SLC4A4: variants seen among roughly 807,000 people sequenced by gnomAD.
SLC4A4 encodes solute carrier family 4 member 4, also known as electrogenic sodium bicarbonate cotransporter 1.
In SLC4A4, 27 loss-of-function variants were observed where a neutral mutation model predicts 111.5. The ratio of observed to expected loss-of-function variants is 0.24; its 90% CI spans 0.18 to 0.33. The LOEUF (loss-of-function observed/expected upper bound fraction) is 0.33. SLC4A4 is among the 10% of genes least tolerant of loss of function. The probability of loss-of-function intolerance (pLI) is 1.00; values close to 1 mark genes in which losing one functional copy is unlikely to be tolerated. For missense variants in SLC4A4, 909 were observed against 1,315.5 expected (o/e 0.69, Z 4.78); for synonymous variants, 443 against 463.4 (o/e 0.96, Z 0.57).
chr4:71,117,026 G>C, intron 2 of SLC4A4, among the ~76,000 whole-genome samples: 1 of 151,936 alleles, frequency 6.6e-6, no homozygotes, highest in East Asian at 1.9e-4. Context: ...GTCCAGGCTT[G>C]AGTACAGTGG....
At chr4:71,270,265 T>C (rs536062876) in intron 3 of SLC4A4, among the ~76,000 whole-genome samples, 1 of 152,276 alleles carries the variant, frequency 6.6e-6, no homozygotes, top group South Asian at 2.1e-4. Context: ...TTTTTTTGTA[T>C]TTTTAGTAGG....
chr4:71,147,395 G>A (rs1744204441), intron 2 of SLC4A4, among the ~76,000 whole-genome samples: 1 of 151,972 alleles, frequency 6.6e-6, no homozygotes, highest in African/African-American at 2.4e-5. Flanking sequence ...CTTGGAGGTG[G>A]TGGTTCATGA....
intron 7 of SLC4A4, among the ~76,000 whole-genome samples, chr4:71,439,212 A>G (rs1724442698): frequency 1.3e-5 from 2 of 151,598 alleles, no homozygotes; most frequent in Non-Finnish European, 2.9e-5. Context: ...GTGGATCCCG[A>G]GGTCAGGAGT....
chr4:71,269,472 C>T (rs530668227), intron 3 of SLC4A4, among the ~76,000 whole-genome samples: 16 of 152,306 alleles, frequency 1.1e-4, no homozygotes, highest in African/African-American at 3.4e-4. Context: ...GCTCTTATTA[C>T]AGCAGTCACT....
chr4:71,291,489 G>T (rs767397671), intron 3 of SLC4A4, among the ~76,000 whole-genome samples: 1 of 151,956 alleles, frequency 6.6e-6, no homozygotes, highest in Non-Finnish European at 1.5e-5. Context: ...ACCCAGGCTG[G>T]AGTGCAGTGG....
intron 16 of SLC4A4, among the ~76,000 whole-genome samples, chr4:71,505,888 A>C (rs1194125741): frequency 6.6e-6 from 1 of 152,036 alleles, no homozygotes; most frequent in East Asian, 1.9e-4. Flanking sequence ...GGAAGAGGAC[A>C]AGTTTCAATT....
At chr4:71,291,889 C>T (rs1724380827) in intron 3 of SLC4A4, among the ~76,000 whole-genome samples, 1 of 151,872 alleles carries the variant, frequency 6.6e-6, no homozygotes, top group South Asian at 2.1e-4. Flanking sequence ...TTTTCCTCTC[C>T]TAGTTTTTAT....
intron 2 of SLC4A4, among the ~76,000 whole-genome samples, chr4:71,147,156 T>A (rs751879053): frequency 5.9e-5 from 9 of 152,218 alleles, no homozygotes; most frequent in Non-Finnish European, 1.3e-4. Flanking sequence ...CATTACATAA[T>A]GGTAAACAAA....
At chr4:71,565,668 A>G (rs1016922474) in intron 24 of SLC4A4, among the ~76,000 whole-genome samples, 25 of 151,898 alleles carry the variant, frequency 1.6e-4, no homozygotes, top group Non-Finnish European at 3.7e-4. Context: ...ATTTGTGCTA[A>G]GACTGTAAGG....
At chr4:71,348,285 G>A (rs1729505306) in intron 4 of SLC4A4, among the ~76,000 whole-genome samples, 1 of 146,332 alleles carries the variant, frequency 6.8e-6, no homozygotes, top group Admixed American at 7.0e-5. Flanking sequence ...GGTCTAACTT[G>A]AATCAAAGTG....
intron 8 of SLC4A4, among the ~76,000 whole-genome samples, chr4:71,443,386 G>C (rs1490740741): frequency 6.6e-6 from 1 of 151,670 alleles, no homozygotes; most frequent in Non-Finnish European, 1.5e-5. Context: ...CTGACCTCAA[G>C]TAATCCACCC....
intron 2 of SLC4A4, among the ~76,000 whole-genome samples, chr4:71,173,736 C>A (rs1236757064): frequency 2.6e-5 from 4 of 152,128 alleles, no homozygotes; most frequent in African/African-American, 9.7e-5. Context: ...AAAGACCAAT[C>A]CAACTCAACT....
At chr4:71,278,838 G>A (rs1327234907) in intron 3 of SLC4A4, among the ~76,000 whole-genome samples, 1 of 152,112 alleles carries the variant, frequency 6.6e-6, no homozygotes, top group Non-Finnish European at 1.5e-5. Flanking sequence ...TGAGTTGTAT[G>A]AGTTCCTAAT....
At chr4:71,135,302 T>TC (rs1222150018) in intron 2 of SLC4A4, among the ~76,000 whole-genome samples, 2 of 150,142 alleles carry the variant, frequency 1.3e-5, no homozygotes, top group Admixed American at 6.6e-5. Flanking sequence ...TACTCTTTTT[T>TC]TTTTTTTTTT....
intron 1 of SLC4A4, among the ~76,000 whole-genome samples, chr4:71,235,004 T>C (rs144612971): frequency 1.3e-5 from 2 of 152,280 alleles, no homozygotes; most frequent in Non-Finnish European, 2.9e-5. Flanking sequence ...TAATTAAACA[T>C]GTAGTATGTG....
intron 6 of SLC4A4, among the ~76,000 whole-genome samples, chr4:71,382,537 A>G (rs1399312020): frequency 6.6e-6 from 1 of 152,222 alleles, no homozygotes; most frequent in East Asian, 1.9e-4. Flanking sequence ...TGCAAATGCT[A>G]CTGCTTACCT....
intron 6 of SLC4A4, among the ~76,000 whole-genome samples, chr4:71,360,205 T>C (rs1348642238): frequency 6.6e-6 from 1 of 152,224 alleles, no homozygotes; most frequent in Non-Finnish European, 1.5e-5. Context: ...TGTATGGTGG[T>C]AGAAATACTG....
intron 7 of SLC4A4, among the ~76,000 whole-genome samples, chr4:71,438,496 A>G (rs141685335): frequency 4.7e-4 from 71 of 152,340 alleles, no homozygotes; most frequent in African/African-American, 1.6e-3. Flanking sequence ...TTGACAAACT[A>G]TGTCACTGAG....
chr4:71,110,361 CAT>C (rs983032110), intron 2 of SLC4A4, among the ~76,000 whole-genome samples: 3 of 152,054 alleles, frequency 2.0e-5, no homozygotes, highest in Admixed American at 6.5e-5. Flanking sequence ...ACTACAGGCA[CAT>C]GTTACCATGC....
Sources: allele counts gnomAD v4.1 joint callset (sites outside exome capture counted in the v4.1 genomes callset), GRCh38; gene constraint gnomAD v4.1.1; transcripts MANE v1.5; gene names NCBI Gene and HGNC (gene_info 2026-07-23, HGNC 2026-07-21).